SMARCAL1: variants seen among roughly 807,000 people sequenced by gnomAD.
SMARCAL1 encodes the protein SNF2 related chromatin remodeling annealing helicase 1.
Under a neutral mutation model 94.5 loss-of-function variants are expected in SMARCAL1, and 58 were observed. That is an observed-to-expected ratio of 0.61 (90% CI 0.50 to 0.76). The LOEUF (loss-of-function observed/expected upper bound fraction) is 0.76. Ranked by LOEUF, SMARCAL1 falls within the 30% of genes least tolerant of loss-of-function variation. SMARCAL1 has a pLI of 0.00. For synonymous variants in SMARCAL1, 422 were observed against 455.1 expected (o/e 0.93, Z 0.93); for missense variants, 1,051 against 1,177.9 (o/e 0.89, Z 1.58).
chr2:216,468,065 T>C lies in SMARCAL1; in HGVS notation c.2244+19T>C, dbSNP rs752967601. 1.6e-4 allele frequency: 256 copies of C among 1,552,802 alleles called. No homozygotes were observed. The highest frequency in any genetic ancestry group is 5.3e-6 in the Non-Finnish European group (6 of 1,124,456). On this transcript the variant is annotated intron_variant, in intron 14 of 17. Transcript: ENST00000357276. ...GAGAAAGGTGAGCTCCCTTTGAAAT[T>C]CACCATGGGCTACTTTTGCCATGTC... is the stretch of plus-strand genomic sequence containing the variant.
chr2:216,439,322 TATG>T (rs1694146692), intron 10 of SMARCAL1, among the ~76,000 whole-genome samples: 1 of 68,252 alleles, frequency 1.5e-5, no homozygotes, highest in Non-Finnish European at 2.6e-5. Flanking sequence ...TTCCTTCCAT[TATG>T]GGGGGGGGGG....
intron 10 of SMARCAL1, among the ~76,000 whole-genome samples, chr2:216,442,668 CT>C (rs1694221413): frequency 6.6e-6 from 1 of 152,162 alleles, no homozygotes; most frequent in African/African-American, 2.4e-5. Flanking sequence ...AATAATGTAT[CT>C]TGAAAATCAT....
At chr2:216,461,055 GGTGT>G (rs71054476) in intron 12 of SMARCAL1, among the ~76,000 whole-genome samples, 27,751 of 146,102 alleles carry the variant, frequency 0.19, 2,891 homozygotes, top group East Asian at 0.34. Flanking sequence ...ACTAGAAAGA[GGTGT>G]GTGTGTGTGT....
chr2:216,426,211 G>A (rs1244440488), intron 6 of SMARCAL1, among the ~76,000 whole-genome samples: 3 of 152,134 alleles, frequency 2.0e-5, no homozygotes, highest in Admixed American at 6.5e-5. Context: ...TTTCCTTCTC[G>A]CTTTTGTCTT....
intron 14 of SMARCAL1, among the ~76,000 whole-genome samples, chr2:216,469,181 C>T (rs1694903010): frequency 6.6e-6 from 1 of 151,828 alleles, no homozygotes; most frequent in Admixed American, 6.6e-5. Flanking sequence ...AGCAATTTAT[C>T]GTCTCCTTTT....
chr2:216,416,430 C>G, intron 4 of SMARCAL1, 123 bp downstream of exon 4: 1 of 795,768 alleles, frequency 1.3e-6, no homozygotes, highest in South Asian at 1.4e-5. Context: ...TCAGGGCACC[C>G]CCCCCAACAC....
rs554502143 is a variant in SMARCAL1, at chr2:216,440,717, G to A, written c.1710+2232G>A. 2.0e-5 allele frequency among the ~76,000 whole-genome samples: 3 copies of A among 152,276 alleles called. No homozygotes were observed. The East Asian group carries it at 5.8e-4, about 29-fold the overall frequency. On this transcript the variant is annotated intron_variant, in intron 10 of 17. Coordinates refer to ENST00000357276, the MANE Select transcript of SMARCAL1 (RefSeq NM_014140.4). ...CCGAACCTTTCATCTCTGTCTTATT[G>A]TATTTTCGTCTAGATTGGAGTCTCT... is the stretch of plus-strand genomic sequence containing the variant.
chr2:216,482,885 ACCCTGGATGAAAG>A lies in SMARCAL1; in HGVS notation c.2775_2787del (p.Leu926HisfsTer2). 6.2e-7 allele frequency: 1 copy of A among 1,614,206 alleles called. No homozygotes were observed. The highest frequency in any genetic ancestry group is 1.1e-5 in the South Asian group (1 of 91,082). ...AAGTAGTTCCCAGAACATGGGAGAC[ACCCTGGATGAAAG>A]CTCATTGACAGCCAGTCCACAGAAG... is the stretch of plus-strand genomic sequence containing the variant. On this transcript the variant is annotated frameshift_variant, in exon 18 of 18. Transcript: ENST00000357276. LOFTEE classifies it high-confidence loss of function. The surrounding 1 kb of genome is among the most constrained non-coding windows in gnomAD (Gnocchi z 4.3).
At chr2:216,477,287 A>T in intron 16 of SMARCAL1, 78 bp downstream of exon 16, 1 of 1,054,086 alleles carries the variant, frequency 9.5e-7, no homozygotes, top group South Asian at 1.4e-5. Context: ...TTGCTCCCAA[A>T]GTGCTTCTGC....
At position 216,464,625 on chromosome 2, in the gene SMARCAL1, T is replaced by C. The variant is rs1326865663; in HGVS notation, c.2099T>C (p.Leu700Pro). Reference protein sequence around the residue: ...TKQQQKDALILFFNRTAEAKI... With the variant: ...TKQQQKDALIPFFNRTAEAKI... ...CAGCAGCAGAAAGATGCCCTCATTCTCTTCTTCAACAGAACAGCTGAAGCT... is the reference window on the plus strand; with the variant it reads ...CAGCAGCAGAAAGATGCCCTCATTCCCTTCTTCAACAGAACAGCTGAAGCT... The change falls in exon 13 of 18, where the codon CTC (leucine) becomes CCC (proline). Residue 700 changes from leucine (L) to proline (P), a missense_variant. This residue lies in a region of SMARCAL1 where 642 missense variants were observed against 754.7 expected (regional missense o/e 0.85). Coordinates refer to ENST00000357276, the MANE Select transcript of SMARCAL1 (RefSeq NM_014140.4). 1 of 1,613,632 alleles carries C rather than the reference T, an allele frequency of 6.2e-7. No individual in the cohort carries two copies. The highest frequency in any genetic ancestry group is 1.7e-5 in the Admixed American group (1 of 60,018).
intron 10 of SMARCAL1, among the ~76,000 whole-genome samples, chr2:216,444,383 G>T (rs1329602615): frequency 2.6e-5 from 4 of 151,740 alleles, no homozygotes; most frequent in African/African-American, 9.7e-5. Context: ...CAAGTTACTG[G>T]CTCAATTGGA....
chr2:216,415,490 T>C lies in SMARCAL1; in HGVS notation c.786T>C (p.Phe262=), dbSNP rs2106015356. 6.2e-7 allele frequency: 1 copy of C among 1,613,686 alleles called. No homozygotes were observed. The highest frequency in any genetic ancestry group is 8.5e-7 in the Non-Finnish European group (1 of 1,179,956). Residue 262 remains phenylalanine, a synonymous_variant, in exon 3 of 18, where the codon TTT becomes TTC. Transcript: ENST00000357276. ...ACAATGCGGAACTCATTGCAGTGTTTAAGACCCTGCCCAGCAAGAATTATG... is the reference window on the plus strand; with the variant it reads ...ACAATGCGGAACTCATTGCAGTGTTCAAGACCCTGCCCAGCAAGAATTATG... ...IGYNAELIAV[F]KTLPSKNYDP...
intron 13 of SMARCAL1, among the ~76,000 whole-genome samples, chr2:216,466,991 T>C (rs889431518): frequency 6.6e-6 from 1 of 152,170 alleles, no homozygotes; most frequent in African/African-American, 2.4e-5. Flanking sequence ...GACGCACCCA[T>C]GGCTGGCAAT....
chr2:216,457,553 A>G (rs533300474), intron 12 of SMARCAL1, among the ~76,000 whole-genome samples: 22 of 152,350 alleles, frequency 1.4e-4, no homozygotes, highest in African/African-American at 5.3e-4. Flanking sequence ...CTGCTCAACT[A>G]CATGGAAACT....
chr2:216,470,715 G>T (rs1694945586), intron 14 of SMARCAL1, among the ~76,000 whole-genome samples: 1 of 151,616 alleles, frequency 6.6e-6, no homozygotes, highest in Non-Finnish European at 1.5e-5. Flanking sequence ...TCTAGAACTG[G>T]GCTCAAGCAA....
intron 12 of SMARCAL1, among the ~76,000 whole-genome samples, chr2:216,457,229 C>G (rs957704314): frequency 6.6e-6 from 1 of 152,146 alleles, no homozygotes; most frequent in African/African-American, 2.4e-5. Flanking sequence ...GACTCCCACA[C>G]AATAATAATG....
intron 13 of SMARCAL1, among the ~76,000 whole-genome samples, chr2:216,465,602 G>T (rs1010832046): frequency 8.6e-5 from 13 of 151,934 alleles, no homozygotes; most frequent in African/African-American, 2.9e-4. Context: ...AATCTCAATT[G>T]TATGCCTTTC....
At position 216,449,997 on chromosome 2, in the gene SMARCAL1, C is replaced by T. The variant is rs139369699; in HGVS notation, c.1852-849C>T. Reference sequence around the variant, plus strand: ...GGATTACAGGTGCATGCTACCACGCCGGCTAATTTTTGTATGTTTAGTAGA... The same window carrying T: ...GGATTACAGGTGCATGCTACCACGCTGGCTAATTTTTGTATGTTTAGTAGA... On this transcript the variant is annotated intron_variant, in intron 11 of 17. Transcript: ENST00000357276. Among the ~76,000 whole-genome samples the T allele has an allele frequency of 3.4e-4, 51 of 152,154 alleles. No individual in the cohort carries two copies. In the East Asian group the frequency reaches 6.8e-3, roughly 20 times the overall value.
chr2:216,473,346 T>C (rs1376726514), intron 14 of SMARCAL1, among the ~76,000 whole-genome samples: 1 of 151,948 alleles, frequency 6.6e-6, no homozygotes, highest in Admixed American at 6.6e-5. Flanking sequence ...TCCTTTTTAG[T>C]GTTCACTCCT....
Sources: allele counts gnomAD v4.1 joint callset (sites outside exome capture counted in the v4.1 genomes callset), GRCh38; gene constraint gnomAD v4.1.1; regional missense constraint gnomAD v4.1.1; non-coding constraint Gnocchi (gnomAD v3.1); transcripts MANE v1.5; gene names NCBI Gene and HGNC (gene_info 2026-07-23, HGNC 2026-07-21).